The following DLAT variants were observed in gnomAD, a reference collection of about 807,000 sequenced individuals.
DLAT encodes dihydrolipoyllysine-residue acetyltransferase component of pyruvate dehydrogenase complex, mitochondrial.
Under a neutral mutation model 68.0 loss-of-function variants are expected in DLAT, and 43 were observed. The observed-to-expected ratio is 0.63, with a 90% CI of 0.50 to 0.81. The LOEUF (loss-of-function observed/expected upper bound fraction) is 0.81. DLAT is among the 40% of genes least tolerant of loss of function. The pLI is 0.00. For missense variants in DLAT, 745 were observed against 815.4 expected (o/e 0.91, Z 1.05); for synonymous variants, 265 against 288.6 (o/e 0.92, Z 0.83).
At chr11:112,053,458 G>A (rs782109607) in intron 11 of DLAT, among the ~76,000 whole-genome samples, 3 of 151,172 alleles carry the variant, frequency 2.0e-5, no homozygotes, top group Non-Finnish European at 4.4e-5. Context: ...TTTGTTTTTT[G>A]TGTTTTGTTT....
chr11:112,060,157 AATT>A, intron 12 of DLAT, 92 bp downstream of exon 12: 1 of 952,616 alleles, frequency 1.0e-6, no homozygotes, highest in Non-Finnish European at 1.5e-6. Flanking sequence ...TCTGTCACGT[AATT>A]TTTTTTTTTT....
At chr11:112,058,755 T>A (rs1426232379) in intron 11 of DLAT, among the ~76,000 whole-genome samples, 5 of 152,070 alleles carry the variant, frequency 3.3e-5, no homozygotes, top group Admixed American at 3.3e-4. Context: ...TATTTTCATA[T>A]CACATTGTAG....
At chr11:112,033,332 A>G (rs1050864351) in intron 4 of DLAT, 72 bp from the exon 5 acceptor site, 99 of 1,574,500 alleles carry the variant, frequency 6.3e-5, no homozygotes, top group East Asian at 3.9e-4. Flanking sequence ...ATGAAACCAC[A>G]TAAGTCTGCC....
chr11:112,057,594 A>C (rs1864176051), intron 11 of DLAT, among the ~76,000 whole-genome samples: 2 of 152,218 alleles, frequency 1.3e-5, no homozygotes, highest in Non-Finnish European at 2.9e-5. Context: ...CCTTAAGCCA[A>C]AGCTTAATTC....
chr11:112,046,362 T>C (rs1476393794), intron 10 of DLAT, among the ~76,000 whole-genome samples: 1 of 152,210 alleles, frequency 6.6e-6, no homozygotes. Flanking sequence ...CCCAGCACCA[T>C]CTTTCCCCAT....
chr11:112,036,165 ATATGTG>A lies in DLAT; in HGVS notation c.788-1106_788-1101del, dbSNP rs1208595649. ...TGTATATATATATATGTGTGTGTAT[ATATGTG>A]TGTGTGTGTGTGTGTGTGTGTGTGT... On this transcript the variant is annotated intron_variant, in intron 5 of 13. Transcript: ENST00000280346. 1.9e-3 allele frequency among the ~76,000 whole-genome samples: 194 copies of A among 101,822 alleles called. 1 individual carries two copies. Among genetic ancestry groups the A allele is most frequent in the African/African-American group, 8.5e-3 (185 of 21,742 alleles). 66.8% of individuals were successfully genotyped at this position (101,822 alleles called of 152,430 possible).
At chr11:112,043,657 A>C in intron 8 of DLAT, 124 bp downstream of exon 8, 2 of 956,298 alleles carry the variant, frequency 2.1e-6, no homozygotes, top group Non-Finnish European at 3.4e-6. Context: ...TCAGTGGTTT[A>C]ATAATACAGT....
Position 112,026,274 on chromosome 11 carries a change from T to C in DLAT, c.356T>C (p.Ile119Thr). Residue 119 changes from isoleucine to threonine, a missense_variant, in exon 2 of 14, where the codon ATC becomes ACC. By Grantham distance (89) the Ile-to-Thr change is moderately conservative. Coordinates refer to ENST00000280346, the MANE Select transcript of DLAT (RefSeq NM_001931.5). ...ARWEKKEGDK[I>T]NEGDLIAEVE... ...TGGGAAAAAAAAGAGGGGGACAAAATCAATGAAGGTGACCTAATTGCAGAG... is the reference window on the plus strand; with the variant it reads ...TGGGAAAAAAAAGAGGGGGACAAAACCAATGAAGGTGACCTAATTGCAGAG... The C allele has an allele frequency of 6.2e-7, 1 of 1,601,440 alleles. No individual in the cohort carries two copies. Among genetic ancestry groups the C allele is most frequent in the Non-Finnish European group, 8.5e-7 (1 of 1,172,560 alleles).
rs1566631058 is a variant in DLAT at position 112,051,750 on chromosome 11, A to G, written c.1514+401A>G. ...TGGATTTAGCTAGTAAAGGCTATAGATTCTTTGTATGAGTTCAGCAAAGGG... is the reference window on the plus strand; with the variant it reads ...TGGATTTAGCTAGTAAAGGCTATAGGTTCTTTGTATGAGTTCAGCAAAGGG... On this transcript the variant is annotated intron_variant, in intron 11 of 13. Transcript: ENST00000280346. This position sits in a 1 kb window ranked among gnomAD's most constrained non-coding sequence, Gnocchi z 4.3. Among the ~76,000 whole-genome samples, 1 of 152,130 alleles carries G rather than the reference A, an allele frequency of 6.6e-6. No homozygotes were observed. The highest frequency in any genetic ancestry group is 1.5e-5 in the Non-Finnish European group (1 of 68,022).
At position 112,028,827 on chromosome 11, in the gene DLAT, T is replaced by C. The variant is rs1391159911; in HGVS notation, c.542T>C (p.Leu181Pro). 3.1e-6 allele frequency: 5 copies of C among 1,614,006 alleles called. No homozygotes were observed. Among genetic ancestry groups the C allele is most frequent in the Admixed American group, 1.7e-5 (1 of 59,998 alleles). The change falls in exon 4 of 14, where the codon CTG (leucine) becomes CCG (proline). Residue 181 changes from leucine to proline, a missense_variant. Coordinates refer to ENST00000280346, the MANE Select transcript of DLAT (RefSeq NM_001931.5). ...ATTGAGGCCTTTAAAAATTATACAC[T>C]GGATTCCTCAGCAGCACCTACCCCA... Reference protein sequence around the residue: ...EDIEAFKNYTLDSSAAPTPQA... With the variant: ...EDIEAFKNYTPDSSAAPTPQA...
intron 4 of DLAT, chr11:112,030,107 G>A (rs368469913): frequency 1.8e-5 from 14 of 776,064 alleles, no homozygotes; most frequent in Admixed American, 9.0e-5. Flanking sequence ...AAATACTGGC[G>A]ACTCCAGTAC....
intron 11 of DLAT, among the ~76,000 whole-genome samples, chr11:112,055,118 T>C (rs1346211774): frequency 6.6e-6 from 1 of 152,166 alleles, no homozygotes; most frequent in African/African-American, 2.4e-5. Flanking sequence ...CTAAACAGAC[T>C]TTAGTCTTCC....
Position 112,026,208 on chromosome 11 carries a change from C to T in DLAT, c.290C>T (p.Pro97Leu). Reference protein sequence around the residue: ...SLPPHQKVPLPSLSPTMQAGT... With the variant: ...SLPPHQKVPLLSLSPTMQAGT... ...CTTTTCCTTTTCCAGGTTCCATTGC[C>T]TTCTCTTTCCCCCACAATGCAGGCA... The change falls in exon 2 of 14, where the codon CCT becomes CTT. Residue 97 changes from proline to leucine, a missense_variant. By Grantham distance (98) the Pro-to-Leu change is moderately conservative. Coordinates refer to ENST00000280346, the MANE Select transcript of DLAT (RefSeq NM_001931.5). The T allele has an allele frequency of 6.2e-7, 1 of 1,610,472 alleles. No individual in the cohort carries two copies. Among genetic ancestry groups the T allele is most frequent in the South Asian group, 1.1e-5 (1 of 90,356 alleles).
At chr11:112,027,084 A>G (rs1490920399) in intron 2 of DLAT, among the ~76,000 whole-genome samples, 2 of 133,152 alleles carry the variant, frequency 1.5e-5, no homozygotes, top group South Asian at 2.5e-4. Context: ...CCGGGCGGAG[A>G]CGCTCCTCAC....
chr11:112,036,201 GTTTTTTTTTTTTT>G (rs1167345612), intron 5 of DLAT, among the ~76,000 whole-genome samples: 128 of 36,472 alleles, frequency 3.5e-3, no homozygotes, highest in African/African-American at 9.4e-3. Context: ...GTGTGTGTGT[GTTTTTTTTTTTTT>G]TTTTTTTTTT....
intron 11 of DLAT, among the ~76,000 whole-genome samples, chr11:112,057,469 T>A (rs935491960): frequency 6.6e-6 from 1 of 152,080 alleles, no homozygotes; most frequent in Non-Finnish European, 1.5e-5. Flanking sequence ...TTGAAAGAAA[T>A]GAAAAGTACT....
intron 11 of DLAT, among the ~76,000 whole-genome samples, chr11:112,053,972 A>G (rs1863831730): frequency 6.6e-6 from 1 of 152,140 alleles, no homozygotes; most frequent in African/African-American, 2.4e-5. Flanking sequence ...ACACACACAT[A>G]ACACCATCTT....
intron 11 of DLAT, among the ~76,000 whole-genome samples, chr11:112,057,581 T>C (rs1170932293): frequency 6.6e-6 from 1 of 152,212 alleles, no homozygotes; most frequent in African/African-American, 2.4e-5. Context: ...AGGTACAGCA[T>C]TCCCTTAAGC....
chr11:112,029,860 A>C, intron 4 of DLAT: 1 of 613,748 alleles, frequency 1.6e-6, no homozygotes, highest in South Asian at 1.4e-5. Flanking sequence ...CTTTGAGATC[A>C]CCACAGTAGT....
Sources: gnomAD v4.1 joint callset for allele counts (sites outside exome capture counted in the v4.1 genomes callset) on GRCh38, gnomAD v4.1.1 for gene constraint, Gnocchi (gnomAD v3.1) non-coding constraint, MANE v1.5 for transcripts, NCBI Gene and HGNC (gene_info 2026-07-23, HGNC 2026-07-21) for gene names.